ADAMTS16: variants seen among roughly 807,000 people sequenced by gnomAD.
ADAMTS16 encodes A disintegrin and metalloproteinase with thrombospondin motifs 16.
A neutral mutation model predicts 145.8 loss-of-function variants in ADAMTS16; 94 were observed. The observed-to-expected ratio is 0.64, with a 90% CI of 0.55 to 0.77. The LOEUF is 0.77. Ranked by LOEUF, ADAMTS16 falls within the 30% of genes least tolerant of loss-of-function variation. The probability of loss-of-function intolerance (pLI) is 0.00; values close to 1 mark genes in which losing one functional copy is unlikely to be tolerated. For missense variants in ADAMTS16, 1,585 were observed against 1,591.5 expected (o/e 1.00, Z 0.07); for synonymous variants, 659 against 604.3 (o/e 1.09, Z -1.33).
At chr5:5,315,032 A>G (rs925036743) in intron 21 of ADAMTS16, among the ~76,000 whole-genome samples, 3 of 152,238 alleles carry the variant, frequency 2.0e-5, no homozygotes, top group African/African-American at 7.2e-5. Context: ...TGGTCAATTT[A>G]TAAAAGAAAG....
rs750078304 is a variant in ADAMTS16, at chr5:5,242,131, G to A, written c.2602G>A (p.Ala868Thr). The change falls in exon 17 of 23, where the codon GCC becomes ACC. Residue 868 changes from alanine (A) to threonine (T), a missense_variant. Transcript: ENST00000274181. ...PRLGTEKQPP[A>T]QPSYTWAIVR... ...CTTGGGGACCGAGAAGCAGCCCCCT[G>A]CCCAGCCCAGCTACACTTGGGCCAT... is the stretch of plus-strand genomic sequence containing the variant. The A allele has an allele frequency of 1.2e-6, 2 of 1,614,084 alleles. No individual in the cohort carries two copies. Among genetic ancestry groups the A allele is most frequent in the African/African-American group, 2.7e-5 (2 of 74,928 alleles).
At chr5:5,165,362 G>C (rs116125363) in intron 3 of ADAMTS16, among the ~76,000 whole-genome samples, 4,275 of 152,068 alleles carry the variant, frequency 0.028, 80 homozygotes, top group Middle Eastern at 0.031. Flanking sequence ...TGGATTGACC[G>C]AGCTTCAATG....
At chr5:5,237,689 C>T (rs1737149058) in intron 14 of ADAMTS16, among the ~76,000 whole-genome samples, 1 of 152,044 alleles carries the variant, frequency 6.6e-6, no homozygotes, top group Admixed American at 6.6e-5. Context: ...GTCAGTGAAG[C>T]AGGGGTGGGT....
chr5:5,299,233 A>C (rs969922743), intron 18 of ADAMTS16, among the ~76,000 whole-genome samples: 1 of 82,328 alleles, frequency 1.2e-5, no homozygotes, highest in Non-Finnish European at 2.8e-5. Flanking sequence ...AAACTTCAAA[A>C]AGAATCAGCA....
intron 17 of ADAMTS16, among the ~76,000 whole-genome samples, chr5:5,260,977 T>C (rs1180160184): frequency 6.6e-6 from 1 of 152,204 alleles, no homozygotes; most frequent in Non-Finnish European, 1.5e-5. Context: ...ATCTGAGTTG[T>C]ACACGGCTTG....
chr5:5,241,094 A>G (rs1316999889), intron 16 of ADAMTS16, among the ~76,000 whole-genome samples: 2 of 152,010 alleles, frequency 1.3e-5, no homozygotes, highest in African/African-American at 4.8e-5. Context: ...CATCAGCACC[A>G]CTGAGACTGG....
chr5:5,235,122 C>T lies in ADAMTS16; in HGVS notation c.1959C>T (p.Ala653=), dbSNP rs759807523. Residue 653 remains alanine (A), a synonymous_variant, in exon 13 of 23, where the codon GCC becomes GCT. Coordinates refer to ENST00000274181, the MANE Select transcript of ADAMTS16 (RefSeq NM_139056.4). Reference sequence around the variant, plus strand: ...TTGACTTCCGTGCTGCTCAGTGTGCCGAGCACAACAGCAGACGATTCAGAG... The same window carrying T: ...TTGACTTCCGTGCTGCTCAGTGTGCTGAGCACAACAGCAGACGATTCAGAG... The part of the protein sequence containing the change: ...DSVDFRAAQC[A]EHNSRRFRGR... 19 of 1,600,550 alleles carry T rather than the reference C, an allele frequency of 1.2e-5. No homozygotes were observed. The African/African-American group carries it at 1.7e-4, about 15-fold the overall frequency.
In ADAMTS16 at chr5:5,269,980, C is replaced by T. The variant is rs1413352892; in HGVS notation, c.2789+7197C>T. On this transcript the variant is annotated intron_variant, in intron 18 of 22. Transcript: ENST00000274181. This position sits in a 1 kb window ranked among gnomAD's most constrained non-coding sequence, Gnocchi z 4.3. The stretch of plus-strand genomic sequence containing the variant: ...TGAGACTGAGGCTGCCCCAAATCCA[C>T]TTCAGTCAACCCTGGAGCCCTCCAT... 6.6e-6 allele frequency among the ~76,000 whole-genome samples: 1 copy of T among 152,176 alleles called. No individual in the cohort carries two copies. The highest frequency in any genetic ancestry group is 1.9e-4 in the East Asian group (1 of 5,178).
chr5:5,201,202 G>A (rs1287441704), intron 9 of ADAMTS16, among the ~76,000 whole-genome samples: 1 of 152,100 alleles, frequency 6.6e-6, no homozygotes, highest in Non-Finnish European at 1.5e-5. Flanking sequence ...AGGGTGTGCG[G>A]GACAAGGGTG....
intron 17 of ADAMTS16, among the ~76,000 whole-genome samples, chr5:5,261,489 CTTTTT>C (rs10719029): frequency 9.5e-6 from 1 of 105,508 alleles, no homozygotes; most frequent in Non-Finnish European, 2.0e-5. Flanking sequence ...GTTATAGCCT[CTTTTT>C]TTTTTTTTTT....
intron 20 of ADAMTS16, among the ~76,000 whole-genome samples, chr5:5,305,122 C>CACAT (rs200493138): frequency 2.6e-4 from 9 of 34,554 alleles, no homozygotes; most frequent in South Asian, 1.2e-3. Context: ...CACACACACA[C>CACAT]CCCACACCAC....
intron 10 of ADAMTS16, among the ~76,000 whole-genome samples, chr5:5,221,646 T>A (rs1005056416): frequency 6.6e-6 from 1 of 152,232 alleles, no homozygotes; most frequent in African/African-American, 2.4e-5. Flanking sequence ...GAAGGAGATA[T>A]AGCCAGGGAA....
chr5:5,231,433 CT>C (rs11317676), intron 11 of ADAMTS16, among the ~76,000 whole-genome samples: 56,209 of 148,310 alleles, frequency 0.38, 11,336 homozygotes, highest in Non-Finnish European at 0.47. Flanking sequence ...TGAAAGTAGC[CT>C]TTTTTTTTTT....
Position 5,200,140 on chromosome 5 carries a change from T to A in ADAMTS16, c.1322T>A (p.Met441Lys). ...IAHESGHNFG[M>K]IHDGEGNMCK... The stretch of plus-strand genomic sequence containing the variant: ...CTCTCTCTCTCTCATAGCTTTGGCA[T>A]GATTCATGATGGAGAAGGGAACATG... The change falls in exon 9 of 23, where the codon ATG (methionine) becomes AAG (lysine). Residue 441 changes from methionine to lysine, a missense_variant. Physicochemically the swap from Met to Lys is moderately conservative, Grantham distance 95 (BLOSUM62 -1). Transcript: ENST00000274181. The A allele has an allele frequency of 6.2e-7, 1 of 1,609,076 alleles. No individual in the cohort carries two copies. The highest frequency in any genetic ancestry group is 8.5e-7 in the Non-Finnish European group (1 of 1,177,366).
At chr5:5,238,265 G>A (rs546974373) in intron 14 of ADAMTS16, among the ~76,000 whole-genome samples, 24 of 152,296 alleles carry the variant, frequency 1.6e-4, no homozygotes, top group African/African-American at 5.3e-4. Context: ...CTGTGAAAAT[G>A]TGGGGGACCT....
At chr5:5,212,186 TG>T (rs370400369) in intron 10 of ADAMTS16, among the ~76,000 whole-genome samples, 29,498 of 142,490 alleles carry the variant, frequency 0.21, 4,567 homozygotes, top group East Asian at 0.6. Flanking sequence ...TATTAGTTTC[TG>T]GGGTTTTTTT....
chr5:5,251,303 C>T (rs1351761105), intron 17 of ADAMTS16, among the ~76,000 whole-genome samples: 1 of 152,190 alleles, frequency 6.6e-6, no homozygotes, highest in Non-Finnish European at 1.5e-5. Context: ...CTGTATCCTT[C>T]ATTTGCAGAG....
chr5:5,178,610 T>C (rs955191601), intron 3 of ADAMTS16, among the ~76,000 whole-genome samples: 8 of 152,208 alleles, frequency 5.3e-5, no homozygotes, highest in Non-Finnish European at 1.2e-4. Flanking sequence ...AAATTGGAGA[T>C]TATTTAAATA....
chr5:5,152,742 G>A (rs554397534), intron 3 of ADAMTS16, among the ~76,000 whole-genome samples: 2 of 152,288 alleles, frequency 1.3e-5, no homozygotes, highest in Admixed American at 6.5e-5. Context: ...TTATTAAAAT[G>A]TTTTTCAGTA....
Sources: gnomAD v4.1 joint callset for allele counts (sites outside exome capture counted in the v4.1 genomes callset) on GRCh38, gnomAD v4.1.1 for gene constraint, Gnocchi (gnomAD v3.1) non-coding constraint, MANE v1.5 for transcripts, NCBI Gene and HGNC (gene_info 2026-07-23, HGNC 2026-07-21) for gene names.